Variants in PIEZO1 observed in about 807,000 individuals in gnomAD.
PIEZO1 encodes piezo-type mechanosensitive ion channel component 1.
In PIEZO1, 296 loss-of-function variants were observed where a neutral mutation model predicts 297.2. The observed-to-expected ratio is 1.00, with a 90% confidence interval of 0.91 to 1.10. The LOEUF is 1.10. Among genes scored for constraint, PIEZO1 ranks in the 50% least tolerant of loss-of-function variants. The pLI is 0.00. For synonymous variants in PIEZO1, 2,427 were observed against 1,507.5 expected (o/e 1.61, Z -14.13); for missense variants, 5,018 against 3,455.5 (o/e 1.45, Z -11.34).
intron 31 of PIEZO1, among the ~76,000 whole-genome samples, chr16:88,723,585 CA>C (rs1255852943): frequency 6.6e-6 from 1 of 152,250 alleles, no homozygotes; most frequent in Non-Finnish European, 1.5e-5. Flanking sequence ...GCCAGGCGGC[CA>C]GCACAAAGGT....
Position 88,746,110 on chromosome 16 carries a change from G to C in PIEZO1, c.160+3274C>G, listed in dbSNP as rs376967589. Among the ~76,000 whole-genome samples, 8 of 152,332 alleles carry C rather than the reference G, an allele frequency of 5.3e-5. No homozygotes were observed. The South Asian group carries it at 1.5e-3, about 28-fold the overall frequency. On this transcript the variant is annotated intron_variant, in intron 2 of 50. Transcript: ENST00000301015. ...TGCATGGGACCAGCCAAGGGACCCA[G>C]GGTGCCTTGAGGCTGAGCCATGAGG...
At chr16:88,770,982 GC>G (rs894160439) in intron 1 of PIEZO1, among the ~76,000 whole-genome samples, 2 of 152,216 alleles carry the variant, frequency 1.3e-5, no homozygotes, top group Non-Finnish European at 2.9e-5. Context: ...GAGGCTCTGG[GC>G]CCTCTCATCT....
intron 2 of PIEZO1, chr16:88,743,781 T>G: frequency 2.5e-6 from 1 of 396,366 alleles, no homozygotes; most frequent in South Asian, 1.8e-5. Context: ...GAGGCAGGTT[T>G]GGACCAGCTT....
intron 12 of PIEZO1, among the ~76,000 whole-genome samples, chr16:88,735,513 G>C (rs539113363): frequency 6.6e-6 from 1 of 152,272 alleles, no homozygotes; most frequent in African/African-American, 2.4e-5. Flanking sequence ...ACTAGTTCAC[G>C]TGGGCACAGA....
At chr16:88,741,912 G>A in intron 4 of PIEZO1, 141 bp downstream of exon 4, 1 of 767,212 alleles carries the variant, frequency 1.3e-6, no homozygotes, top group Non-Finnish European at 2.1e-6. Flanking sequence ...GTGGGTGGGA[G>A]CGTGGATGGG....
chr16:88,734,228 G>T, intron 16 of PIEZO1, 128 bp downstream of exon 16: 1 of 1,188,718 alleles, frequency 8.4e-7, no homozygotes, highest in Non-Finnish European at 1.2e-6. Flanking sequence ...CCATCCCCTT[G>T]GTATGAGCAA....
Position 88,716,767 on chromosome 16 carries a change from C to T in PIEZO1, c.6754-36G>A, listed in dbSNP as rs1218897655. The T allele has an allele frequency of 3.2e-6, 5 of 1,548,854 alleles. No homozygotes were observed. In the African/African-American group the frequency reaches 6.8e-5, roughly 21 times the overall value. ...GTGACACCCTCAGTGACTGCAGCCGCCTCCCCACACCAGCTTTCACAGGGC... is the reference window on the plus strand; with the variant it reads ...GTGACACCCTCAGTGACTGCAGCCGTCTCCCCACACCAGCTTTCACAGGGC... On this transcript the variant is annotated intron_variant, in intron 46 of 50. Coordinates refer to ENST00000301015, the MANE Select transcript of PIEZO1 (RefSeq NM_001142864.4).
At position 88,734,454 on chromosome 16, in the gene PIEZO1, G is replaced by T. The variant is rs1025224511; in HGVS notation, c.2082C>A (p.Cys694Ter). The T allele has an allele frequency of 1.3e-6, 2 of 1,549,962 alleles. No individual in the cohort carries two copies. Among genetic ancestry groups the T allele is most frequent in the Non-Finnish European group, 1.7e-6 (2 of 1,146,700 alleles). ...ILVPGFFLLA[C>*]ILQLHYFHRP... ...TGTGGAAGTAGTGCAGCTGCAGGAT[G>T]CAGGCCAGGAGGAAGAAGCCGGGCA... The change falls in exon 16 of 51, where the codon TGC becomes TGA. Residue 694 changes from cysteine to a stop codon, truncating the protein, a stop_gained. Transcript: ENST00000301015. LOFTEE classifies it high-confidence loss of function.
In PIEZO1 at chr16:88,726,546, C is replaced by T. The variant is rs869025599; in HGVS notation, c.3796+1G>A. 7.1e-6 allele frequency: 11 copies of T among 1,549,256 alleles called. No homozygotes were observed. Among genetic ancestry groups the T allele is most frequent in the Middle Eastern group, 1.7e-4 (1 of 5,932 alleles). On this transcript the variant is annotated splice_donor_variant, in intron 26 of 50. Transcript: ENST00000301015. LOFTEE classifies it high-confidence loss of function. ...CCCCCGCCACCGTCCTGGCCACTCA[C>T]GGTCATAGTAGCCCTTGACGGTGCA...
chr16:88,776,098 C>T (rs569197059), intron 1 of PIEZO1, among the ~76,000 whole-genome samples: 2 of 150,710 alleles, frequency 1.3e-5, no homozygotes, highest in Non-Finnish European at 3.0e-5. Context: ...AGGTTAAACA[C>T]GTGCCACCCA....
intron 1 of PIEZO1, among the ~76,000 whole-genome samples, chr16:88,760,629 G>A (rs957115629): frequency 1.4e-4 from 21 of 151,922 alleles, no homozygotes; most frequent in African/African-American, 4.3e-4. Context: ...GCAGGGGCCC[G>A]AGGGGAGCCA....
At chr16:88,727,723 C>T in intron 22 of PIEZO1, 62 bp from the exon 23 acceptor site, 1 of 785,140 alleles carries the variant, frequency 1.3e-6, no homozygotes, top group South Asian at 2.4e-5. Flanking sequence ...GACACCCGGT[C>T]CCCACCCGTT....
intron 1 of PIEZO1, among the ~76,000 whole-genome samples, chr16:88,780,783 A>C (rs956386758): frequency 2.0e-4 from 30 of 152,206 alleles, no homozygotes; most frequent in Admixed American, 1.9e-3. Flanking sequence ...CAAAGTGGTG[A>C]AACCCCGTCT....
chr16:88,746,987 G>A (rs967994824), intron 2 of PIEZO1, among the ~76,000 whole-genome samples: 2 of 152,158 alleles, frequency 1.3e-5, no homozygotes, highest in Non-Finnish European at 2.9e-5. Flanking sequence ...TTTGGGCCTC[G>A]GGCCCCAGCG....
Position 88,716,748 on chromosome 16 carries a change from C to A in PIEZO1, c.6754-17G>T. ...CATGGCCAGCTGGGTACAAGTGACACCCTCAGTGACTGCAGCCGCCTCCCC... is the reference window on the plus strand; with the variant it reads ...CATGGCCAGCTGGGTACAAGTGACAACCTCAGTGACTGCAGCCGCCTCCCC... On this transcript the variant is annotated splice_polypyrimidine_tract_variant and intron_variant, in intron 46 of 50. Transcript: ENST00000301015. 1 of 1,548,414 alleles carries A rather than the reference C, an allele frequency of 6.5e-7. No homozygotes were observed. The highest frequency in any genetic ancestry group is 8.7e-7 in the Non-Finnish European group (1 of 1,146,838).
intron 22 of PIEZO1, among the ~76,000 whole-genome samples, chr16:88,730,559 G>C (rs899479916): frequency 2.2e-5 from 3 of 137,550 alleles, no homozygotes; most frequent in Non-Finnish European, 3.0e-5. Flanking sequence ...GATTGTGCCA[G>C]TGTACTCCAG....
chr16:88,721,414 T>G lies in PIEZO1; in HGVS notation c.5420A>C (p.Asp1807Ala), dbSNP rs1436704184. 6.5e-7 allele frequency: 1 copy of G among 1,549,374 alleles called. No individual in the cohort carries two copies. The highest frequency in any genetic ancestry group is 8.7e-7 in the Non-Finnish European group (1 of 1,146,412). Residue 1807 changes from aspartate (D) to alanine (A), a missense_variant, in exon 39 of 51, where the codon GAC (aspartate) becomes GCC (alanine). Asp to Ala is a moderately radical substitution (Grantham distance 126, BLOSUM62 -2). Coordinates refer to ENST00000301015, the MANE Select transcript of PIEZO1 (RefSeq NM_001142864.4). The stretch of plus-strand genomic sequence containing the variant: ...CTTGGATGGTGAGTCCTCCTCATGG[T>G]CCCAGAGGCCATAGCACTGAGGGGC... ...RSQLLCYGLW[D>A]HEEDSPSKEH... is the part of the protein sequence containing the mutation.
At position 88,741,389 on chromosome 16, in the gene PIEZO1, TTTAAAAAGA is replaced by T; in HGVS notation, c.465+80_465+88del. ...TTACAACCAAAACGTCTACATCTGTTTTAAAAAGATTAAAATAACCCTCAAAATGGCTGA... is the reference window on the plus strand; with the variant it reads ...TTACAACCAAAACGTCTACATCTGTTTTAAAATAACCCTCAAAATGGCTGA... On this transcript the variant is annotated intron_variant, in intron 5 of 50. Coordinates refer to ENST00000301015, the MANE Select transcript of PIEZO1 (RefSeq NM_001142864.4). 9.6e-6 allele frequency: 12 copies of T among 1,246,234 alleles called. No individual in the cohort carries two copies. The South Asian group carries it at 1.8e-4, about 19-fold the overall frequency. The allele number at this position is 1,246,234 out of a possible 1,614,324, so 77.2% of individuals were successfully genotyped here. A position where few individuals can be genotyped will look rare whatever the true frequency, so the allele number is the denominator to read the frequency against.
At chr16:88,722,138 TCA>T in intron 36 of PIEZO1, 72 bp from the exon 37 acceptor site, 3 of 1,520,688 alleles carry the variant, frequency 2.0e-6, no homozygotes, top group East Asian at 2.5e-5. Flanking sequence ...CTGTTGCCGG[TCA>T]CAGTCAGTCT....
Sources: allele counts gnomAD v4.1 joint callset (sites outside exome capture counted in the v4.1 genomes callset), GRCh38; gene constraint gnomAD v4.1.1; transcripts MANE v1.5; gene names NCBI Gene and HGNC (gene_info 2026-07-23, HGNC 2026-07-21).